Variants in AKR1C2 observed in about 807,000 individuals in gnomAD.
The protein encoded by AKR1C2 is aldo-keto reductase family 1 member C2.
AKR1C2 carries 27 observed loss-of-function variants against 39.8 expected under a neutral mutation model. The observed-to-expected ratio is 0.68, with a 90% CI of 0.50 to 0.93. AKR1C2 has a LOEUF of 0.93. Among genes scored for constraint, AKR1C2 ranks in the 40% least tolerant of loss-of-function variants. The pLI, the probability that AKR1C2 is intolerant of heterozygous loss-of-function variation, is 0.00. For synonymous variants in AKR1C2, 114 were observed against 137.9 expected (o/e 0.83, Z 1.22); for missense variants, 263 against 365.1 (o/e 0.72, Z 2.28).
intron 1 of AKR1C2, among the ~76,000 whole-genome samples, chr10:5,012,681 G>A (rs147997460): frequency 0.013 from 2,018 of 152,058 alleles, 49 homozygotes; most frequent in African/African-American, 0.046. Context: ...ACGAGATTTT[G>A]GAATTCTGAT....
intron 7 of AKR1C2, among the ~76,000 whole-genome samples, chr10:4,993,701 A>G (rs1836919317): frequency 6.6e-6 from 1 of 151,994 alleles, no homozygotes; most frequent in Admixed American, 6.6e-5. Flanking sequence ...AATTTGGGAG[A>G]TGTTATTTCA....
At chr10:4,994,808 T>C (rs528840182) in intron 7 of AKR1C2, among the ~76,000 whole-genome samples, 1 of 146,856 alleles carries the variant, frequency 6.8e-6, no homozygotes, top group Admixed American at 6.9e-5. Context: ...AGCCTCTATA[T>C]TAAGTGGGTT....
At chr10:4,997,157 A>G (rs1554773190) in intron 5 of AKR1C2, 1 of 152,386 alleles carries the variant, frequency 6.6e-6, no homozygotes, top group East Asian at 1.9e-4. Context: ...AATTTGAAAA[A>G]CACAGCATGA....
Position 5,003,756 on chromosome 10 carries a change from G to T in AKR1C2, c.80C>A (p.Ala27Glu). 1.9e-6 allele frequency: 3 copies of T among 1,613,548 alleles called. No individual in the cohort carries two copies. The highest frequency in any genetic ancestry group is 1.7e-6 in the Non-Finnish European group (2 of 1,179,624). ...CACTAAAAATATTATTGTTACCTCT[G>T]CAGGCGCATAGGTGCCAAATCCCAG... ...PVLGFGTYAP[A>E]EVPKSKALEA... Residue 27 changes from alanine (A) to glutamate (E), a missense_variant, in exon 1 of 9, where the codon GCA becomes GAA. Transcript: ENST00000380753.
chr10:4,996,536 T>A (rs1475972762), intron 5 of AKR1C2, among the ~76,000 whole-genome samples: 8 of 132,428 alleles, frequency 6.0e-5, no homozygotes, highest in South Asian at 3.0e-4. Context: ...TCATATATAT[T>A]ATATATATAT....
Position 4,988,651 on chromosome 10 carries a change from T to C in AKR1C2, c.*1345A>G, listed in dbSNP as rs1316463619. 6.6e-6 allele frequency: 1 copy of C among 152,102 alleles called. No homozygotes were observed. Among genetic ancestry groups the C allele is most frequent in the Non-Finnish European group, 1.5e-5 (1 of 68,018 alleles). The allele number at this position is 152,102 out of a possible 1,614,324, so 9.4% of individuals were successfully genotyped here. On this transcript the variant is annotated 3_prime_UTR_variant, in exon 9 of 9. Transcript: ENST00000380753. ...CTCTGAGACATGGCTTGAGAAGGAA[T>C]CTCTGATGGGGTTAACATGGCTACC...
intron 3 of AKR1C2, chr10:4,999,551 T>C (rs1837186286): frequency 2.6e-6 from 1 of 379,202 alleles, no homozygotes; most frequent in Non-Finnish European, 4.9e-6. Flanking sequence ...TTGACTTTCT[T>C]CTGCTCCTAT....
chr10:4,994,080 G>T (rs1283505516), intron 7 of AKR1C2, among the ~76,000 whole-genome samples: 3 of 151,192 alleles, frequency 2.0e-5, no homozygotes, highest in African/African-American at 7.3e-5. Context: ...TAATGTTTTA[G>T]TAAATAGTGA....
At chr10:5,009,444 A>G (rs573936693) in intron 1 of AKR1C2, among the ~76,000 whole-genome samples, 186 of 151,974 alleles carry the variant, frequency 1.2e-3, no homozygotes, top group Admixed American at 1.8e-3. Flanking sequence ...GACCACTCCT[A>G]GATAGGTCAA....
intron 7 of AKR1C2, among the ~76,000 whole-genome samples, chr10:4,993,444 G>C (rs1371813676): frequency 6.6e-6 from 1 of 151,956 alleles, no homozygotes; most frequent in African/African-American, 2.4e-5. Context: ...AATTAGATAC[G>C]CATATTTGGA....
chr10:5,005,919 A>T (rs1204836809), upstream of AKR1C2: 1 of 152,242 alleles, frequency 6.6e-6, no homozygotes, highest in Non-Finnish European at 1.5e-5. Flanking sequence ...AATTATAAAA[A>T]GAAAAGGAAA....
At chr10:4,999,179 C>T in intron 4 of AKR1C2, 21 bp downstream of exon 4, 1 of 1,593,416 alleles carries the variant, frequency 6.3e-7, no homozygotes, top group Non-Finnish European at 8.6e-7. Context: ...CTTATCCGTT[C>T]TCTCACCTCC....
intron 1 of AKR1C2, among the ~76,000 whole-genome samples, chr10:5,010,807 A>G (rs543418390): frequency 2.4e-4 from 36 of 152,218 alleles, no homozygotes; most frequent in Admixed American, 6.5e-4. Flanking sequence ...CCTTGCTTAT[A>G]CCTCAAAATA....
intron 1 of AKR1C2, among the ~76,000 whole-genome samples, chr10:5,002,168 C>A (rs1371464458): frequency 6.6e-6 from 1 of 152,190 alleles, no homozygotes; most frequent in African/African-American, 2.4e-5. Flanking sequence ...ACAAGAGATG[C>A]CCTCTACATA....
At chr10:4,994,357 C>T (rs1554772630) in intron 7 of AKR1C2, among the ~76,000 whole-genome samples, 1 of 152,100 alleles carries the variant, frequency 6.6e-6, no homozygotes, top group Non-Finnish European at 1.5e-5. Context: ...AACATGCCCT[C>T]TAACAATCAC....
chr10:5,008,857 T>G (rs192966004), upstream of AKR1C2, among the ~76,000 whole-genome samples: 24 of 152,350 alleles, frequency 1.6e-4, no homozygotes, highest in Middle Eastern at 3.4e-3. Flanking sequence ...CAAAATGATG[T>G]TTGCCAGCAC....
upstream of AKR1C2, among the ~76,000 whole-genome samples, chr10:5,005,841 A>C (rs138102365): frequency 9.3e-4 from 141 of 152,372 alleles, 2 homozygotes; most frequent in East Asian, 0.022. Flanking sequence ...TTGCTAATGA[A>C]AAATATGGAT....
At chr10:4,996,547 A>AAT (rs200451297) in intron 5 of AKR1C2, among the ~76,000 whole-genome samples, 12,692 of 144,472 alleles carry the variant, frequency 0.088, 582 homozygotes, top group Middle Eastern at 0.14. Flanking sequence ...ATATATATAT[A>AAT]ATATATATAT....
At chr10:5,001,129 C>T (rs1247315887) in intron 2 of AKR1C2, among the ~76,000 whole-genome samples, 28 of 152,154 alleles carry the variant, frequency 1.8e-4, no homozygotes, top group Non-Finnish European at 2.9e-5. Flanking sequence ...ACTGAGCTCT[C>T]TTATATCGCT....
Sources: gnomAD v4.1 joint callset for allele counts (sites outside exome capture counted in the v4.1 genomes callset) on GRCh38, gnomAD v4.1.1 for gene constraint, MANE v1.5 for transcripts, NCBI Gene and HGNC (gene_info 2026-07-23, HGNC 2026-07-21) for gene names.